The following RALYL variants were observed in gnomAD, a reference collection of about 807,000 sequenced individuals.
The protein encoded by RALYL is RALY RNA binding protein like.
In RALYL, 29 loss-of-function variants were observed where a neutral mutation model predicts 35.1. That is an observed-to-expected ratio of 0.83 (90% CI 0.61 to 1.13). The LOEUF (loss-of-function observed/expected upper bound fraction) is 1.13, where lower values mean the gene tolerates loss of function less well. Ranked by LOEUF, RALYL falls within the 50% of genes most tolerant of loss-of-function variation. The pLI is 0.00. For missense variants in RALYL, 359 were observed against 360.4 expected (o/e 1.00, Z 0.03); for synonymous variants, 120 against 127.6 (o/e 0.94, Z 0.40).
At chr8:84,858,284 T>A (rs1431627766) in intron 5 of RALYL, among the ~76,000 whole-genome samples, 1 of 152,194 alleles carries the variant, frequency 6.6e-6, no homozygotes, top group African/African-American at 2.4e-5. Context: ...CTGAATTTTT[T>A]AAATTTATTA....
At chr8:84,740,260 TCAAAACTTGGAG>T (rs1460231638) in intron 2 of RALYL, among the ~76,000 whole-genome samples, 1 of 151,934 alleles carries the variant, frequency 6.6e-6, no homozygotes, top group Non-Finnish European at 1.5e-5. Context: ...GGAGATGATT[TCAAAACTTGGAG>T]CAAGTCAGTT....
At chr8:84,869,362 G>T (rs1340397659) in intron 6 of RALYL, among the ~76,000 whole-genome samples, 1 of 139,386 alleles carries the variant, frequency 7.2e-6, no homozygotes, top group Non-Finnish European at 1.5e-5. Flanking sequence ...TTATTTCTTT[G>T]TTTTGGACAT....
intron 2 of RALYL, among the ~76,000 whole-genome samples, chr8:84,691,772 A>C (rs1459130153): frequency 6.6e-6 from 1 of 152,046 alleles, no homozygotes; most frequent in East Asian, 1.9e-4. Flanking sequence ...ATGCAAAAGA[A>C]GTGATACTAA....
At chr8:84,335,567 C>T (rs1244022266) in intron 1 of RALYL, among the ~76,000 whole-genome samples, 1 of 151,884 alleles carries the variant, frequency 6.6e-6, no homozygotes, top group African/African-American at 2.4e-5. Context: ...TGTATTGAAT[C>T]GTCTCTCTTA....
chr8:84,487,568 C>G (rs1296848996), intron 1 of RALYL, among the ~76,000 whole-genome samples: 1 of 152,058 alleles, frequency 6.6e-6, no homozygotes, highest in Non-Finnish European at 1.5e-5. Flanking sequence ...CCAAGAATCA[C>G]AGAACAAATA....
At chr8:84,492,965 C>G (rs1170228185) in intron 1 of RALYL, among the ~76,000 whole-genome samples, 1 of 152,072 alleles carries the variant, frequency 6.6e-6, no homozygotes, top group African/African-American at 2.4e-5. Context: ...AGGTTTGTTA[C>G]ATACGTATAC....
chr8:84,684,016 T>A (rs901963953), intron 2 of RALYL, among the ~76,000 whole-genome samples: 15 of 152,110 alleles, frequency 9.9e-5, no homozygotes, highest in Admixed American at 7.9e-4. Context: ...GGTATGTTTT[T>A]GATCAGAGCA....
chr8:84,686,827 T>C (rs917709378), intron 2 of RALYL, among the ~76,000 whole-genome samples: 5 of 152,162 alleles, frequency 3.3e-5, no homozygotes, highest in African/African-American at 1.2e-4. Flanking sequence ...ACGGGAAAAA[T>C]AATTTGACTT....
chr8:84,221,944 T>C (rs1822323430), intron 1 of RALYL, among the ~76,000 whole-genome samples: 1 of 152,116 alleles, frequency 6.6e-6, no homozygotes, highest in Non-Finnish European at 1.5e-5. Flanking sequence ...TATTTATTTT[T>C]GTGTAATTAT....
chr8:84,523,333 A>G (rs975176726), intron 1 of RALYL, among the ~76,000 whole-genome samples: 4 of 151,678 alleles, frequency 2.6e-5, no homozygotes, highest in Admixed American at 6.6e-5. Context: ...AGACTTATTC[A>G]TGAGAACAGC....
At position 84,803,970 on chromosome 8, in the gene RALYL, G is replaced by A. The variant is rs560864253; in HGVS notation, c.333-800G>A. ...TTAAGAAACCTATAATGAAACTAGC[G>A]TGGCCAAAATACACTTACCAACAGG... On this transcript the variant is annotated intron_variant, in intron 3 of 8. Transcript: ENST00000521268. Among the ~76,000 whole-genome samples, 15 of 152,116 alleles carry A rather than the reference G, an allele frequency of 9.9e-5. No homozygotes were observed. In the South Asian group the frequency reaches 1.2e-3, roughly 13 times the overall value.
chr8:84,461,440 C>G (rs2050761145), intron 1 of RALYL, among the ~76,000 whole-genome samples: 1 of 151,528 alleles, frequency 6.6e-6, no homozygotes, highest in Non-Finnish European at 1.5e-5. Context: ...AATGAATAAC[C>G]ATTCACTTTT....
At chr8:84,620,279 G>T (rs1408449850) in intron 2 of RALYL, among the ~76,000 whole-genome samples, 2 of 152,174 alleles carry the variant, frequency 1.3e-5, no homozygotes, top group African/African-American at 4.8e-5. Flanking sequence ...ATTTCTTGGA[G>T]GCTTTGCTCA....
At chr8:84,446,124 T>A (rs908296049) in intron 1 of RALYL, among the ~76,000 whole-genome samples, 1 of 152,032 alleles carries the variant, frequency 6.6e-6, no homozygotes, top group Non-Finnish European at 1.5e-5. Flanking sequence ...ATATTCTACG[T>A]GTTCCCTGTG....
upstream of RALYL, chr8:84,183,204 C>A (rs1361116650): frequency 6.5e-6 from 1 of 154,644 alleles, no homozygotes; most frequent in South Asian, 1.8e-4. Flanking sequence ...TCGCCGGCGC[C>A]CTGCCTGTCT....
At chr8:84,400,779 A>G (rs2131963978) in intron 1 of RALYL, among the ~76,000 whole-genome samples, 1 of 152,344 alleles carries the variant, frequency 6.6e-6, no homozygotes, top group South Asian at 2.1e-4. Context: ...TGTAGGCACC[A>G]TTAGTTTATT....
intron 8 of RALYL, among the ~76,000 whole-genome samples, chr8:84,892,680 A>T (rs1472483645): frequency 4.0e-5 from 6 of 151,806 alleles, no homozygotes; most frequent in Non-Finnish European, 5.9e-5. Flanking sequence ...GTGCACATGT[A>T]CCCTAAAACT....
chr8:84,328,821 A>G (rs1298906549), intron 1 of RALYL, among the ~76,000 whole-genome samples: 1 of 152,126 alleles, frequency 6.6e-6, no homozygotes, highest in Non-Finnish European at 1.5e-5. Flanking sequence ...ATGAATGCCC[A>G]GTGTTTAGGT....
intron 1 of RALYL, among the ~76,000 whole-genome samples, chr8:84,350,773 T>C (rs1850738418): frequency 6.7e-6 from 1 of 150,302 alleles, no homozygotes; most frequent in African/African-American, 2.5e-5. Context: ...TAGTTTTATG[T>C]AGACTAAAAT....
Sources: allele counts gnomAD v4.1 joint callset (sites outside exome capture counted in the v4.1 genomes callset), GRCh38; gene constraint gnomAD v4.1.1; transcripts MANE v1.5; gene names NCBI Gene and HGNC (gene_info 2026-07-23, HGNC 2026-07-21).